The following GHRL variants were observed in gnomAD, a reference collection of about 807,000 sequenced individuals.
GHRL encodes ghrelin and obestatin prepropeptide, also known as appetite-regulating hormone.
Under a neutral mutation model 16.9 loss-of-function variants are expected in GHRL, and 24 were observed. The ratio of observed to expected loss-of-function variants is 1.42; its 90% CI spans 1.03 to 2.00. The LOEUF (loss-of-function observed/expected upper bound fraction) is 2.00. GHRL is among the 30% of genes most tolerant of loss of function. GHRL has a pLI of 0.00. For missense variants in GHRL, 193 were observed against 142.1 expected (o/e 1.36, Z -1.82); for synonymous variants, 63 against 58.2 (o/e 1.08, Z -0.37).
At position 10,291,442 on chromosome 3, in the gene GHRL, T is replaced by C. The variant is rs1285836728; in HGVS notation, c.-756A>G. 7.1e-6 allele frequency: 7 copies of C among 985,364 alleles called. No homozygotes were observed. The highest frequency in any genetic ancestry group is 8.4e-6 in the Non-Finnish European group (7 of 829,980). 61.0% of individuals were successfully genotyped at this position (985,364 alleles called of 1,614,324 possible). A position where few individuals can be genotyped will look rare whatever the true frequency, so the allele number is the denominator to read the frequency against. On this transcript the variant is annotated 5_prime_UTR_variant, in exon 2 of 6. Transcript: ENST00000335542. Reference sequence around the variant, plus strand: ...GCGGATGCCTCTTCTGAGAGGGAAGTGCATTGGACCTGGAGGTGGAAGATC... The same window carrying C: ...GCGGATGCCTCTTCTGAGAGGGAAGCGCATTGGACCTGGAGGTGGAAGATC...
Position 10,286,366 on chromosome 3 carries a change from G to A in GHRL, c.334+338C>T, listed in dbSNP as rs569496167. On this transcript the variant is annotated intron_variant, in intron 5 of 5. Coordinates refer to ENST00000335542, the MANE Select transcript of GHRL (RefSeq NM_016362.5). ...AATTCCTTTTTGTTTGTGGAGTAAA[G>A]TTACGCAGTGAAGACGGTGTAACAC... is the stretch of plus-strand genomic sequence containing the variant. 2.6e-5 allele frequency among the ~76,000 whole-genome samples: 4 copies of A among 152,310 alleles called. No individual in the cohort carries two copies. In the South Asian group the frequency reaches 8.3e-4, roughly 32 times the overall value.
At chr3:10,292,798 CTG>C (rs1009764687) in intron 1 of GHRL, 42 bp downstream of exon 1, 19 of 1,167,096 alleles carry the variant, frequency 1.6e-5, no homozygotes, top group Admixed American at 2.6e-5. Context: ...AAAATCCTAA[CTG>C]TGGTGACCAG....
chr3:10,290,056 T>C lies in GHRL; in HGVS notation c.108+17A>G. 2 of 1,610,340 alleles carry C rather than the reference T, an allele frequency of 1.2e-6. No individual in the cohort carries two copies. Among genetic ancestry groups the C allele is most frequent in the South Asian group, 2.2e-5 (2 of 90,588 alleles). ...CAGGGCTGGAACAACATGTGGGGCT[T>C]TGTGGGGAGGTCTCACCTGGACTCT... On this transcript the variant is annotated intron_variant, in intron 3 of 5. Coordinates refer to ENST00000335542, the MANE Select transcript of GHRL (RefSeq NM_016362.5).
At chr3:10,292,214 T>C (rs1417468220) in intron 1 of GHRL, 1 of 152,320 alleles carries the variant, frequency 6.6e-6, no homozygotes, top group Non-Finnish European at 1.5e-5. Flanking sequence ...TCCCCAAAGC[T>C]ATACAGCCAT....
At chr3:10,289,112 A>T (rs192723537) in intron 4 of GHRL, among the ~76,000 whole-genome samples, 261 of 152,328 alleles carry the variant, frequency 1.7e-3, no homozygotes, top group Non-Finnish European at 3.1e-3. Flanking sequence ...CACCAACCAA[A>T]TATTTAGAAG....
Position 10,288,559 on chromosome 3 carries a change from A to T in GHRL, c.225+1203T>A, listed in dbSNP as rs9866514. Among the ~76,000 whole-genome samples, 707 of 152,254 alleles carry T rather than the reference A, an allele frequency of 4.6e-3. 6 individuals are homozygous for T. The highest frequency in any genetic ancestry group is 0.016 in the African/African-American group (656 of 41,546). On this transcript the variant is annotated intron_variant, in intron 4 of 5. Transcript: ENST00000335542. ...GTGGAGCTAGCCGTCTCACCAGCAA[A>T]ATATCCTGGTTTTGGCCTAAGGGTA... is the stretch of plus-strand genomic sequence containing the variant.
At chr3:10,288,811 C>G (rs1164447441) in intron 4 of GHRL, among the ~76,000 whole-genome samples, 3 of 152,232 alleles carry the variant, frequency 2.0e-5, no homozygotes, top group Non-Finnish European at 4.4e-5. Flanking sequence ...TGCGCTGTCT[C>G]TGTCCATCAG....
chr3:10,291,044 T>C lies in GHRL; in HGVS notation c.-358A>G. On this transcript the variant is annotated 5_prime_UTR_variant, in exon 2 of 6. Transcript: ENST00000335542. ...CTCTGGGGTCTGGGTGCAGCTTTGT[T>C]GCTGTGTGACCTTAGCTTACTCGCC... 1.0e-6 allele frequency: 1 copy of C among 985,694 alleles called. No individual in the cohort carries two copies. Among genetic ancestry groups the C allele is most frequent in the Non-Finnish European group, 1.2e-6 (1 of 830,092 alleles). The allele number at this position is 985,694 out of a possible 1,614,324, so 61.1% of individuals were successfully genotyped here.
chr3:10,291,007 G>A lies in GHRL; in HGVS notation c.-321C>T. The A allele has an allele frequency of 1.0e-6, 1 of 985,590 alleles. No individual in the cohort carries two copies. The highest frequency in any genetic ancestry group is 1.2e-6 in the Non-Finnish European group (1 of 829,938). 61.1% of individuals were successfully genotyped at this position (985,590 alleles called of 1,614,324 possible). A position where few individuals can be genotyped will look rare whatever the true frequency, so the allele number is the denominator to read the frequency against. On this transcript the variant is annotated 5_prime_UTR_variant, in exon 2 of 6. Coordinates refer to ENST00000335542, the MANE Select transcript of GHRL (RefSeq NM_016362.5). ...GGCATGGCCCTGGTGGAGGAGGGAG[G>A]GAGGAGAGTGGCTCTGGGGTCTGGG...
chr3:10,288,361 C>G (rs1186432615), intron 4 of GHRL: 1 of 152,886 alleles, frequency 6.5e-6, no homozygotes, highest in African/African-American at 2.4e-5. Flanking sequence ...CCAACACCCC[C>G]CAGGCGTTTG....
rs80130990 is a variant in GHRL at position 10,292,778 on chromosome 3, C to T, written c.-766+64G>A. Reference sequence around the variant, plus strand: ...CCACCAACCCATAAAAAAAAAAATCCCCAAACAGAAAAATCCTAACTGTGG... The same window carrying T: ...CCACCAACCCATAAAAAAAAAAATCTCCAAACAGAAAAATCCTAACTGTGG... On this transcript the variant is annotated intron_variant, in intron 1 of 5. Transcript: ENST00000335542. 1,033 of 1,033,150 alleles carry T rather than the reference C, an allele frequency of 1.0e-3. 13 individuals are homozygous for T. The African/African-American group carries it at 0.015, about 15-fold the overall frequency. 64.0% of individuals were successfully genotyped at this position (1,033,150 alleles called of 1,614,324 possible).
chr3:10,290,310 C>G (rs986636054), intron 2 of GHRL, 101 bp from the exon 3 acceptor site: 1 of 1,174,242 alleles, frequency 8.5e-7, no homozygotes, highest in Non-Finnish European at 1.2e-6. Context: ...GCTTTACCAT[C>G]TGGGGTCCTG....
chr3:10,289,890 A>T lies in GHRL; in HGVS notation c.109-12T>A. Reference sequence around the variant, plus strand: ...GACTCCTTTCTCTGCTGGAAGGGGGAAACAGTCTGTTTAGGACTCTAAGCC... The same window carrying T: ...GACTCCTTTCTCTGCTGGAAGGGGGTAACAGTCTGTTTAGGACTCTAAGCC... On this transcript the variant is annotated splice_polypyrimidine_tract_variant and intron_variant, in intron 3 of 5. Coordinates refer to ENST00000335542, the MANE Select transcript of GHRL (RefSeq NM_016362.5). 1 of 1,595,838 alleles carries T rather than the reference A, an allele frequency of 6.3e-7. No individual in the cohort carries two copies. The highest frequency in any genetic ancestry group is 8.6e-7 in the Non-Finnish European group (1 of 1,164,854).
rs969491369 is a variant in GHRL, at chr3:10,291,138, C to T, written c.-452G>A. 12 of 985,662 alleles carry T rather than the reference C, an allele frequency of 1.2e-5. No individual in the cohort carries two copies. Among genetic ancestry groups the T allele is most frequent in the African/African-American group, 8.7e-5 (5 of 57,258 alleles). The allele number at this position is 985,662 out of a possible 1,614,324, so 61.1% of individuals were successfully genotyped here. A position where few individuals can be genotyped will look rare whatever the true frequency, so the allele number is the denominator to read the frequency against. The stretch of plus-strand genomic sequence containing the variant: ...CTGAGACCTCCCCAGTCCAGCGCCC[C>T]GTTGTTTCCCATGTGCTGTTGCTGC... On this transcript the variant is annotated 5_prime_UTR_variant, in exon 2 of 6. Coordinates refer to ENST00000335542, the MANE Select transcript of GHRL (RefSeq NM_016362.5).
intron 5 of GHRL, among the ~76,000 whole-genome samples, 157 bp from the exon 6 acceptor site, chr3:10,286,051 G>T (rs1699015516): frequency 6.6e-6 from 1 of 152,222 alleles, no homozygotes; most frequent in Non-Finnish European, 1.5e-5. Flanking sequence ...GGACTGTTGT[G>T]CCCTGGGCAA....
chr3:10,286,768 C>G lies in GHRL; in HGVS notation c.270G>C (p.Gln90His). ...CCAGGGCCTGGCTGTGCTGCTGGTA[C>G]TGAACCCCTGACAGCTTGATTCCAA... Reference protein sequence around the residue: ...FDVGIKLSGVQYQQHSQALGK... With the variant: ...FDVGIKLSGVHYQQHSQALGK... Residue 90 changes from glutamine to histidine, a missense_variant, in exon 5 of 6, where the codon CAG (glutamine) becomes CAC (histidine). Physicochemically the swap from Gln to His is conservative, Grantham distance 24. Transcript: ENST00000335542. The G allele has an allele frequency of 6.2e-7, 1 of 1,613,478 alleles. No homozygotes were observed. Among genetic ancestry groups the G allele is most frequent in the Middle Eastern group, 1.6e-4 (1 of 6,062 alleles).
chr3:10,286,888 T>C, intron 4 of GHRL, 76 bp from the exon 5 acceptor site: 1 of 840,178 alleles, frequency 1.2e-6, no homozygotes, highest in Non-Finnish European at 2.0e-6. Context: ...GGCTCTGGGC[T>C]CTCTGCCTCT....
Position 10,291,464 on chromosome 3 carries a change from G to T in GHRL, c.-765-13C>A. On this transcript the variant is annotated splice_polypyrimidine_tract_variant and intron_variant, in intron 1 of 5. Coordinates refer to ENST00000335542, the MANE Select transcript of GHRL (RefSeq NM_016362.5). ...AAGTGCATTGGACCTGGAGGTGGAA[G>T]ATCTACGCTTAGCACGGGCCTGGCT... 3 of 985,428 alleles carry T rather than the reference G, an allele frequency of 3.0e-6. No individual in the cohort carries two copies. The highest frequency in any genetic ancestry group is 3.6e-6 in the Non-Finnish European group (3 of 829,904). The allele number at this position is 985,428 out of a possible 1,614,324, so 61.0% of individuals were successfully genotyped here.
intron 1 of GHRL, among the ~76,000 whole-genome samples, chr3:10,291,723 G>A (rs1165261993): frequency 1.3e-5 from 2 of 152,204 alleles, no homozygotes; most frequent in Non-Finnish European, 1.5e-5. Context: ...CCAACTGGGT[G>A]CCCAGGCAGG....
Sources: gnomAD v4.1 joint callset for allele counts (sites outside exome capture counted in the v4.1 genomes callset) on GRCh38, gnomAD v4.1.1 for gene constraint, MANE v1.5 for transcripts, NCBI Gene and HGNC (gene_info 2026-07-23, HGNC 2026-07-21) for gene names.